SNTG1: variants seen among roughly 807,000 people sequenced by gnomAD.
SNTG1 encodes syntrophin gamma 1.
A neutral mutation model predicts 74.7 loss-of-function variants in SNTG1; 39 were observed. The ratio of observed to expected loss-of-function variants is 0.52; its 90% confidence interval spans 0.40 to 0.68. The LOEUF (loss-of-function observed/expected upper bound fraction) is 0.68, where lower values mean the gene tolerates loss of function less well. Among genes scored for constraint, SNTG1 ranks in the 30% least tolerant of loss-of-function variants. The probability of loss-of-function intolerance (pLI) is 0.00; values close to 1 mark genes in which losing one functional copy is unlikely to be tolerated. For synonymous variants in SNTG1, 254 were observed against 217.1 expected (o/e 1.17, Z -1.49); for missense variants, 685 against 609.5 (o/e 1.12, Z -1.30).
intron 2 of SNTG1, among the ~76,000 whole-genome samples, chr8:50,390,980 TG>T (rs200547025): frequency 0.16 from 23,932 of 152,194 alleles, 2,326 homozygotes; most frequent in Middle Eastern, 0.26. Context: ...GCCAAGATGA[TG>T]GGGTTTTCTA....
intron 2 of SNTG1, among the ~76,000 whole-genome samples, chr8:50,368,029 G>A (rs556164852): frequency 6.6e-6 from 1 of 152,170 alleles, no homozygotes; most frequent in Admixed American, 6.5e-5. Flanking sequence ...GACATTAAAG[G>A]CAATTCTGGT....
rs563629562 is a variant in SNTG1 at position 50,617,186 on chromosome 8, T to C, written c.849+26269T>C. Among the ~76,000 whole-genome samples, 31 of 152,284 alleles carry C rather than the reference T, an allele frequency of 2.0e-4. No homozygotes were observed. In the South Asian group the frequency reaches 3.7e-3, roughly 18 times the overall value. ...CCACAGTATACATCCATTTACTCCT[T>C]TATTGTTTACTTGACCTGCAAGAAT... On this transcript the variant is annotated intron_variant, in intron 13 of 18. Coordinates refer to ENST00000642720, the MANE Select transcript of SNTG1 (RefSeq NM_018967.5).
chr8:50,628,027 T>C (rs2094968552), intron 13 of SNTG1, among the ~76,000 whole-genome samples: 1 of 152,196 alleles, frequency 6.6e-6, no homozygotes, highest in Non-Finnish European at 1.5e-5. Flanking sequence ...CCTTGTTCTT[T>C]CTGGTAACCA....
At chr8:50,215,734 G>A (rs560343231) in intron 2 of SNTG1, among the ~76,000 whole-genome samples, 1 of 152,054 alleles carries the variant, frequency 6.6e-6, no homozygotes, top group South Asian at 2.1e-4. Context: ...CATATCTTCT[G>A]AGACTAAAAT....
chr8:50,297,172 G>A (rs1426035487), intron 2 of SNTG1, among the ~76,000 whole-genome samples: 1 of 152,166 alleles, frequency 6.6e-6, no homozygotes, highest in Non-Finnish European at 1.5e-5. Context: ...CAGTATGGTT[G>A]TCCTCCTTAT....
intron 2 of SNTG1, among the ~76,000 whole-genome samples, chr8:50,375,823 G>T (rs58280556): frequency 2.0e-5 from 3 of 152,096 alleles, no homozygotes; most frequent in Non-Finnish European, 4.4e-5. Context: ...TATATGCATG[G>T]GAGGCACCCA....
At chr8:50,170,760 G>C (rs1183043038) in intron 1 of SNTG1, among the ~76,000 whole-genome samples, 1 of 152,148 alleles carries the variant, frequency 6.6e-6, no homozygotes, top group Non-Finnish European at 1.5e-5. Flanking sequence ...GCTTGTGTAG[G>C]TTTGTGGCAA....
chr8:50,060,098 C>T (rs1436136048), intron 1 of SNTG1, among the ~76,000 whole-genome samples: 1 of 152,056 alleles, frequency 6.6e-6, no homozygotes, highest in Non-Finnish European at 1.5e-5. Context: ...TTCCTGATGG[C>T]TAATGATGGG....
At chr8:50,037,149 A>ATC (rs1200059454) in intron 1 of SNTG1, among the ~76,000 whole-genome samples, 2 of 152,240 alleles carry the variant, frequency 1.3e-5, no homozygotes, top group East Asian at 3.8e-4. Context: ...CTAAGTTTAG[A>ATC]AAATCATAAA....
At chr8:50,306,098 C>A (rs764260735) in intron 2 of SNTG1, among the ~76,000 whole-genome samples, 1 of 144,718 alleles carries the variant, frequency 6.9e-6, no homozygotes, top group Non-Finnish European at 1.5e-5. Flanking sequence ...CTTTGTATGC[C>A]TTTGTGTACC....
chr8:50,081,617 T>G (rs928669864), intron 1 of SNTG1, among the ~76,000 whole-genome samples: 1 of 151,084 alleles, frequency 6.6e-6, no homozygotes, highest in Non-Finnish European at 1.5e-5. Context: ...ACTTCGTTTT[T>G]TTTGTTTTTG....
At chr8:50,779,618 T>A (rs1442311235) in intron 18 of SNTG1, among the ~76,000 whole-genome samples, 2 of 151,404 alleles carry the variant, frequency 1.3e-5, no homozygotes, top group South Asian at 4.1e-4. Flanking sequence ...GACAATGGGG[T>A]TTTCTAGATA....
At chr8:50,306,884 A>G (rs1001485859) in intron 2 of SNTG1, among the ~76,000 whole-genome samples, 4 of 151,870 alleles carry the variant, frequency 2.6e-5, no homozygotes, top group African/African-American at 9.7e-5. Flanking sequence ...AAGCTTTCTA[A>G]TGTAATGAAA....
At chr8:49,971,546 A>G (rs912229246) in intron 1 of SNTG1, among the ~76,000 whole-genome samples, 6 of 152,166 alleles carry the variant, frequency 3.9e-5, no homozygotes, top group African/African-American at 1.4e-4. Context: ...AATAAAGGGT[A>G]TTCAATTAGG....
intron 15 of SNTG1, among the ~76,000 whole-genome samples, chr8:50,692,365 T>C (rs945000602): frequency 1.3e-5 from 2 of 152,140 alleles, no homozygotes; most frequent in African/African-American, 2.4e-5. Flanking sequence ...CTATTTTTTT[T>C]CCCATCTTTG....
At chr8:50,021,948 AT>A (rs56065626) in intron 1 of SNTG1, among the ~76,000 whole-genome samples, 6,699 of 140,636 alleles carry the variant, frequency 0.048, 408 homozygotes, top group African/African-American at 0.13. Context: ...CAAAAAAAAA[AT>A]AAAAATAAAA....
intron 2 of SNTG1, among the ~76,000 whole-genome samples, chr8:50,241,079 A>G (rs2086143540): frequency 2.0e-5 from 3 of 152,204 alleles, no homozygotes; most frequent in African/African-American, 7.2e-5. Context: ...AAGTTAGAGT[A>G]AGTAGAAAGA....
At chr8:50,268,625 G>T in intron 2 of SNTG1, among the ~76,000 whole-genome samples, 1 of 151,350 alleles carries the variant, frequency 6.6e-6, no homozygotes, top group East Asian at 2.0e-4. Flanking sequence ...GAGAACCTAA[G>T]AATACGTATA....
chr8:50,413,338 GT>G (rs796434813), intron 4 of SNTG1, among the ~76,000 whole-genome samples: 2 of 151,998 alleles, frequency 1.3e-5, no homozygotes, highest in Admixed American at 6.6e-5. Context: ...CTGTTCATTT[GT>G]TTTTTTCTTC....
Sources: gnomAD v4.1 joint callset for allele counts (sites outside exome capture counted in the v4.1 genomes callset) on GRCh38, gnomAD v4.1.1 for gene constraint, MANE v1.5 for transcripts, NCBI Gene and HGNC (gene_info 2026-07-23, HGNC 2026-07-21) for gene names.